The following CALD1 variants were observed in gnomAD, a reference collection of about 807,000 sequenced individuals.
The protein encoded by CALD1 is caldesmon.
CALD1 carries 33 observed loss-of-function variants against 99.9 expected under a neutral mutation model. That is an observed-to-expected ratio of 0.33 (90% CI 0.25 to 0.44). CALD1 has a LOEUF of 0.44. CALD1 is among the 20% of genes least tolerant of loss of function. CALD1 has a pLI of 1.00. For missense variants in CALD1, 861 were observed against 962.1 expected (o/e 0.89, Z 1.39); for synonymous variants, 310 against 325.0 (o/e 0.95, Z 0.50).
At chr7:134,907,272 C>A (rs1297144409) in intron 3 of CALD1, among the ~76,000 whole-genome samples, 5 of 151,966 alleles carry the variant, frequency 3.3e-5, no homozygotes, top group Non-Finnish European at 7.4e-5. Flanking sequence ...AATAAAAAAA[C>A]CAGGTTTAAC....
chr7:134,881,982 A>G (rs1801625559), intron 3 of CALD1, among the ~76,000 whole-genome samples: 1 of 152,192 alleles, frequency 6.6e-6, no homozygotes, highest in South Asian at 2.1e-4. Flanking sequence ...CTTACGTCGC[A>G]CTTTTTACAT....
Position 134,947,720 on chromosome 7 carries a change from A to G in CALD1, c.1745A>G (p.Glu582Gly), listed in dbSNP as rs766855762. Reference protein sequence around the residue: ...REERRKVLEEEEQRRKQEEAD... With the variant: ...REERRKVLEEGEQRRKQEEAD... ...GAGAGAAGGAAGGTCCTGGAGGAGG[A>G]AGAGCAGAGGAGGAAGCAGGAGGAA... Residue 582 changes from glutamate to glycine, a missense_variant, in exon 8 of 15, where the codon GAA (glutamate) becomes GGA (glycine). Glu to Gly is a moderately conservative substitution (Grantham distance 98). Coordinates refer to ENST00000361675, the MANE Select transcript of CALD1 (RefSeq NM_033138.4). 64 of 1,613,550 alleles carry G rather than the reference A, an allele frequency of 4.0e-5. No homozygotes were observed. Among genetic ancestry groups the G allele is most frequent in the Non-Finnish European group, 5.2e-5 (61 of 1,179,774 alleles).
intron 1 of CALD1, among the ~76,000 whole-genome samples, chr7:134,767,381 G>C (rs938181229): frequency 6.6e-6 from 1 of 152,250 alleles, no homozygotes; most frequent in African/African-American, 2.4e-5. Context: ...CTTAAAAATA[G>C]TCTATCCCCC....
chr7:134,889,050 A>G (rs1802017197), intron 3 of CALD1, among the ~76,000 whole-genome samples: 1 of 152,106 alleles, frequency 6.6e-6, no homozygotes, highest in African/African-American at 2.4e-5. Context: ...TCACCTCAGA[A>G]TTGGCGTGGG....
chr7:134,742,038 C>T (rs1370698865), upstream of CALD1, among the ~76,000 whole-genome samples: 1 of 152,016 alleles, frequency 6.6e-6, no homozygotes, highest in Non-Finnish European at 1.5e-5. Context: ...CACACACACA[C>T]ACACACACAG....
At chr7:134,921,780 C>T (rs928249237) in intron 3 of CALD1, among the ~76,000 whole-genome samples, 2 of 152,108 alleles carry the variant, frequency 1.3e-5, no homozygotes, top group African/African-American at 4.8e-5. Context: ...CACTGCACTC[C>T]AGTGAGATTC....
At chr7:134,799,909 G>T (rs1338928761) in intron 1 of CALD1, among the ~76,000 whole-genome samples, 1 of 152,078 alleles carries the variant, frequency 6.6e-6, no homozygotes, top group Admixed American at 6.5e-5. Context: ...TATTTTTAAA[G>T]TCTCTCAGAA....
the CALD1 span, among the ~76,000 whole-genome samples, chr7:134,737,782 C>G: frequency 6.6e-6 from 1 of 152,136 alleles, no homozygotes; most frequent in African/African-American, 2.4e-5. Context: ...ACCTTGCATT[C>G]TGGATGGTGG....
chr7:134,853,398 T>G (rs1249833131), intron 2 of CALD1, among the ~76,000 whole-genome samples: 1 of 152,224 alleles, frequency 6.6e-6, no homozygotes, highest in Non-Finnish European at 1.5e-5. Flanking sequence ...ATGTTCCCCG[T>G]ATGAATTCAT....
intron 1 of CALD1, among the ~76,000 whole-genome samples, chr7:134,841,718 C>G (rs1261595733): frequency 1.3e-5 from 2 of 152,236 alleles, no homozygotes; most frequent in Non-Finnish European, 2.9e-5. Context: ...CCAGCAAAGG[C>G]AGCCCTGTGG....
intron 2 of CALD1, among the ~76,000 whole-genome samples, chr7:134,844,511 C>T (rs1001895590): frequency 2.6e-5 from 4 of 152,200 alleles, no homozygotes; most frequent in African/African-American, 9.7e-5. Context: ...GGGCATTTCA[C>T]TCATTCACAG....
intron 1 of CALD1, among the ~76,000 whole-genome samples, chr7:134,798,156 G>A (rs1797817235): frequency 6.6e-6 from 1 of 152,206 alleles, no homozygotes. Flanking sequence ...AAAATGTAAT[G>A]TTCACATTGT....
In CALD1 at chr7:134,783,644, A is replaced by G. The variant is rs1225363646; in HGVS notation, c.-130+3895A>G. ...GTTCTTCCCTGTGTTGTTGCTATGG[A>G]AACCTTTGAGAATCTGATAAAAACT... On this transcript the variant is annotated intron_variant, in intron 1 of 14. Transcript: ENST00000361675. This position sits in a 1 kb window ranked among gnomAD's most constrained non-coding sequence, Gnocchi z 4.3. 6.6e-6 allele frequency among the ~76,000 whole-genome samples: 1 copy of G among 152,144 alleles called. No individual in the cohort carries two copies. The highest frequency in any genetic ancestry group is 1.9e-4 in the East Asian group (1 of 5,194).
At chr7:134,774,230 T>C (rs1263323446) in intron 1 of CALD1, among the ~76,000 whole-genome samples, 3 of 152,022 alleles carry the variant, frequency 2.0e-5, no homozygotes, top group Non-Finnish European at 4.4e-5. Flanking sequence ...AATGGGTTAC[T>C]AAAGTGCACT....
chr7:134,823,415 C>T (rs988838695), intron 1 of CALD1, among the ~76,000 whole-genome samples: 6 of 152,136 alleles, frequency 3.9e-5, no homozygotes, highest in African/African-American at 1.2e-4. Flanking sequence ...CAGATAGCTT[C>T]AGCAATAGAT....
chr7:134,771,270 T>C (rs897931338), intron 1 of CALD1, among the ~76,000 whole-genome samples: 1 of 152,176 alleles, frequency 6.6e-6, no homozygotes, highest in East Asian at 1.9e-4. Context: ...CAGATTTGCA[T>C]ATGACACTCC....
chr7:134,737,405 A>G, the CALD1 span, among the ~76,000 whole-genome samples: 1 of 152,146 alleles, frequency 6.6e-6, no homozygotes, highest in East Asian at 1.9e-4. Context: ...CTGGGATTAC[A>G]GGCATGAGCC....
At chr7:134,865,591 G>A (rs1054267702) in intron 2 of CALD1, among the ~76,000 whole-genome samples, 1 of 152,220 alleles carries the variant, frequency 6.6e-6, no homozygotes, top group Non-Finnish European at 1.5e-5. Flanking sequence ...AGCAAGAGAA[G>A]GTGAGGAGTG....
intron 9 of CALD1, among the ~76,000 whole-genome samples, chr7:134,950,807 C>G (rs34538555): frequency 6.6e-6 from 1 of 151,884 alleles, no homozygotes; most frequent in Non-Finnish European, 1.5e-5. Context: ...AATTCAAAAA[C>G]TAGCCGGACG....
Sources: gnomAD v4.1 joint callset for allele counts (sites outside exome capture counted in the v4.1 genomes callset) on GRCh38, gnomAD v4.1.1 for gene constraint, Gnocchi (gnomAD v3.1) non-coding constraint, MANE v1.5 for transcripts, NCBI Gene and HGNC (gene_info 2026-07-23, HGNC 2026-07-21) for gene names.